DDB2: variants seen among roughly 807,000 people sequenced by gnomAD.
DDB2 encodes damage specific DNA binding protein 2.
A neutral mutation model predicts 50.5 loss-of-function variants in DDB2; 27 were observed. That is an observed-to-expected ratio of 0.53 (90% CI 0.39 to 0.74). DDB2 has a LOEUF of 0.74. Among genes scored for constraint, DDB2 ranks in the 30% least tolerant of loss-of-function variants. The pLI is 0.00. For missense variants in DDB2, 424 were observed against 545.6 expected, an observed-to-expected ratio of 0.78 and a Z score of 2.22; for synonymous variants, 176 against 205.5, an observed-to-expected ratio of 0.86 and a Z score of 1.23.
upstream of DDB2, chr11:47,214,791 A>C: frequency 2.7e-6 from 1 of 364,188 alleles, no homozygotes; most frequent in Non-Finnish European, 5.2e-6. Context: ...AAAAAAATCC[A>C]TAAAGCCGGG....
intron 3 of DDB2, among the ~76,000 whole-genome samples, chr11:47,218,226 A>G (rs1367335742): frequency 6.6e-6 from 1 of 152,130 alleles, no homozygotes; most frequent in Non-Finnish European, 1.5e-5. Context: ...TCTGATGCTT[A>G]TTTGTATGTT....
At chr11:47,233,001 G>A in intron 4 of DDB2, 42 bp downstream of exon 4, 1 of 1,610,790 alleles carries the variant, frequency 6.2e-7, no homozygotes, top group Non-Finnish European at 8.5e-7. Flanking sequence ...TCTAAGCTTA[G>A]GTGTAGTTCC....
At chr11:47,230,703 T>C (rs4647731) in intron 3 of DDB2, among the ~76,000 whole-genome samples, 5,076 of 152,270 alleles carry the variant, frequency 0.033, 119 homozygotes, top group South Asian at 0.12. Context: ...GCTAAGTGGT[T>C]GTTGCATAGA....
Position 47,238,987 on chromosome 11 carries a change from G to A in DDB2, c.*138G>A. 3 of 829,176 alleles carry A rather than the reference G, an allele frequency of 3.6e-6. No individual in the cohort carries two copies. Among genetic ancestry groups the A allele is most frequent in the Non-Finnish European group, 5.8e-6 (3 of 513,008 alleles). 51.4% of individuals were successfully genotyped at this position (829,176 alleles called of 1,614,324 possible). ...GTTGGAGCAGGGGTGCTGGGACCTG[G>A]GGCACTGTGGGACTGGGACACTTTT... On this transcript the variant is annotated 3_prime_UTR_variant, in exon 10 of 10. Coordinates refer to ENST00000256996, the MANE Select transcript of DDB2 (RefSeq NM_000107.3).
intron 7 of DDB2, among the ~76,000 whole-genome samples, chr11:47,236,748 C>T (rs536722953): frequency 1.8e-4 from 28 of 152,206 alleles, no homozygotes; most frequent in Non-Finnish European, 3.8e-4. Flanking sequence ...TCAATCACAT[C>T]CAAGCTCTTA....
At chr11:47,238,343 A>C (rs1406486976) in intron 9 of DDB2, among the ~76,000 whole-genome samples, 160 bp downstream of exon 9, 1 of 151,594 alleles carries the variant, frequency 6.6e-6, no homozygotes, top group East Asian at 1.9e-4. Flanking sequence ...AAGGCCCTCC[A>C]TTCCTCTGGC....
intron 9 of DDB2, 97 bp from the exon 10 acceptor site, chr11:47,238,703 A>G: frequency 7.2e-7 from 1 of 1,382,602 alleles, no homozygotes; most frequent in South Asian, 1.2e-5. Context: ...CGGCCTTCCT[A>G]GTATTTCTTT....
intron 9 of DDB2, 136 bp downstream of exon 9, chr11:47,238,319 T>G: frequency 1.2e-6 from 1 of 808,290 alleles, no homozygotes; most frequent in Non-Finnish European, 2.1e-6. Context: ...TGGGAGACAG[T>G]GGTCTCTATA....
chr11:47,229,983 A>C (rs569199115), intron 3 of DDB2, among the ~76,000 whole-genome samples: 51 of 151,858 alleles, frequency 3.4e-4, no homozygotes, highest in African/African-American at 1.2e-3. Context: ...GGTGTGCACC[A>C]TCACTCCCAG....
chr11:47,219,790 A>G (rs1246868735), intron 3 of DDB2, among the ~76,000 whole-genome samples: 2 of 150,088 alleles, frequency 1.3e-5, no homozygotes, highest in Non-Finnish European at 3.0e-5. Context: ...TTATTTATTT[A>G]TTTGTTTATT....
intron 1 of DDB2, 77 bp downstream of exon 1, chr11:47,215,340 GC>G: frequency 6.2e-7 from 1 of 1,605,970 alleles, no homozygotes; most frequent in East Asian, 2.2e-5. Flanking sequence ...GGGGATGGGT[GC>G]TCCGAGGCTC....
At position 47,216,472 on chromosome 11, in the gene DDB2, G is replaced by C; in HGVS notation, c.264G>C (p.Gln88His). ...LGRASWPSVQ[Q>H]GLQQSFLHTL... Reference sequence around the variant, plus strand: ...GAGCTTCCTGGCCATCTGTCCAGCAGGTAAGGCATTTTTTGCCTCAAGTCC... The same window carrying C: ...GAGCTTCCTGGCCATCTGTCCAGCACGTAAGGCATTTTTTGCCTCAAGTCC... The change falls in exon 2 of 10, where the codon CAG becomes CAC. Residue 88 changes from glutamine (Q) to histidine (H), a missense_variant and splice_region_variant. Physicochemically the swap from Gln to His is conservative, Grantham distance 24. Transcript: ENST00000256996. 6.2e-7 allele frequency: 1 copy of C among 1,612,970 alleles called. No individual in the cohort carries two copies. The highest frequency in any genetic ancestry group is 8.5e-7 in the Non-Finnish European group (1 of 1,180,010).
rs769144378 is a variant in DDB2, at chr11:47,216,946, C to T, written c.353C>T (p.Ala118Val). ...TTTGACAGGAGGGCTACATCCTTGG[C>T]GTGGCACCCAACTCACCCCAGCACC... ...APFDRRATSL[A>V]WHPTHPSTVA... The change falls in exon 3 of 10, where the codon GCG becomes GTG. Residue 118 changes from alanine to valine, a missense_variant. Coordinates refer to ENST00000256996, the MANE Select transcript of DDB2 (RefSeq NM_000107.3). 2.0e-5 allele frequency: 32 copies of T among 1,613,828 alleles called. No homozygotes were observed. The highest frequency in any genetic ancestry group is 1.1e-4 in the South Asian group (10 of 91,078).
chr11:47,216,245 T>G (rs910889440), intron 1 of DDB2, 91 bp from the exon 2 acceptor site: 1 of 1,588,256 alleles, frequency 6.3e-7, no homozygotes, highest in South Asian at 1.1e-5. Context: ...AGATTAACCG[T>G]GCCGAATGAA....
intron 3 of DDB2, among the ~76,000 whole-genome samples, chr11:47,232,554 G>A (rs913901306): frequency 6.6e-6 from 1 of 152,006 alleles, no homozygotes; most frequent in African/African-American, 2.4e-5. Context: ...TGGGAGGATC[G>A]CTTGAGCCCA....
intron 6 of DDB2, 139 bp from the exon 7 acceptor site, chr11:47,235,131 A>T (rs4647752): frequency 2.9e-6 from 4 of 1,379,888 alleles, no homozygotes; most frequent in Non-Finnish European, 3.1e-6. Flanking sequence ...TGTTGTTCAC[A>T]GCCCAGATTC....
At chr11:47,234,697 T>TC in intron 5 of DDB2, 25 bp downstream of exon 5, 1 of 1,613,802 alleles carries the variant, frequency 6.2e-7, no homozygotes, top group Non-Finnish European at 8.5e-7. Context: ...GTCCTGCCTT[T>TC]CCCTCCCTCA....
In DDB2 at chr11:47,230,132, TA is replaced by T. The variant is rs751957606; in HGVS notation, c.457-2661del. On this transcript the variant is annotated intron_variant, in intron 3 of 9. Coordinates refer to ENST00000256996, the MANE Select transcript of DDB2 (RefSeq NM_000107.3). ...GAGTTACATAGTGAGACCCTGTCTC[TA>T]AAAAAAAAAAAAAAAAAAAATTGGT... Among the ~76,000 whole-genome samples the T allele has an allele frequency of 9.6e-3, 1,059 of 110,788 alleles. 11 individuals are homozygous for T. Among genetic ancestry groups the T allele is most frequent in the African/African-American group, 0.029 (858 of 29,356 alleles). 72.7% of individuals were successfully genotyped at this position (110,788 alleles called of 152,430 possible). A position where few individuals can be genotyped will look rare whatever the true frequency, so the allele number is the denominator to read the frequency against.
intron 3 of DDB2, 144 bp from the exon 4 acceptor site, chr11:47,232,670 A>C: frequency 1.2e-6 from 1 of 822,944 alleles, no homozygotes; most frequent in Non-Finnish European, 2.1e-6. Flanking sequence ...AAGGCCCTGT[A>C]GAGAGCGTCC....
Sources: allele counts gnomAD v4.1 joint callset (sites outside exome capture counted in the v4.1 genomes callset), GRCh38; gene constraint gnomAD v4.1.1; transcripts MANE v1.5; gene names NCBI Gene and HGNC (gene_info 2026-07-23, HGNC 2026-07-21).